The following WNK3 variants were observed in gnomAD, a reference collection of about 807,000 sequenced individuals.
WNK3 encodes WNK lysine deficient protein kinase 3.
WNK3 carries 18 observed loss-of-function variants against 116.7 expected under a neutral mutation model. The ratio of observed to expected loss-of-function variants is 0.15; its 90% CI spans 0.11 to 0.23. The LOEUF is 0.23. Ranked by LOEUF, WNK3 falls within the 10% of genes least tolerant of loss-of-function variation. The probability of loss-of-function intolerance (pLI) is 1.00; values close to 1 mark genes in which losing one functional copy is unlikely to be tolerated. For synonymous variants in WNK3, 404 were observed against 469.4 expected (o/e 0.86, Z 1.80); for missense variants, 993 against 1,323.8 (o/e 0.75, Z 3.88).
At chrX:54,341,662 T>C (rs185853987) in intron 1 of WNK3, among the ~76,000 whole-genome samples, 1 of 111,118 alleles carries the variant, frequency 9.0e-6, no homozygotes, top group Admixed American at 9.7e-5. Context: ...GGATGAACCA[T>C]GAAGACATTA....
At chrX:54,269,637 C>G (rs782524724) in intron 10 of WNK3, among the ~76,000 whole-genome samples, 18 of 111,330 alleles carry the variant, frequency 1.6e-4, no homozygotes, top group Admixed American at 5.8e-4. Flanking sequence ...GCAGCTTTAT[C>G]CATAAGAGCC....
At chrX:54,277,682 A>G (rs781968766) in intron 10 of WNK3, among the ~76,000 whole-genome samples, 1 of 111,999 alleles carries the variant, frequency 8.9e-6, no homozygotes, top group South Asian at 3.7e-4. Flanking sequence ...TACCAAAAAA[A>G]CAAACAAATC....
intron 22 of WNK3, among the ~76,000 whole-genome samples, chrX:54,217,331 A>G (rs1344643147): frequency 9.5e-6 from 1 of 105,393 alleles, no homozygotes; most frequent in African/African-American, 3.5e-5. Flanking sequence ...AAAAAAAAAA[A>G]AAAATTAGCC....
intron 21 of WNK3, among the ~76,000 whole-genome samples, chrX:54,232,468 A>G (rs1378542510): frequency 9.0e-6 from 1 of 111,528 alleles, no homozygotes; most frequent in Non-Finnish European, 1.9e-5. Context: ...TTATCTTGTT[A>G]CCAACAAACT....
chrX:54,277,057 T>C (rs1290209545), intron 10 of WNK3, among the ~76,000 whole-genome samples: 1 of 111,379 alleles, frequency 9.0e-6, no homozygotes, highest in Non-Finnish European at 1.9e-5. Context: ...AGTCAGGTAA[T>C]AGAGGGTAAC....
intron 22 of WNK3, among the ~76,000 whole-genome samples, chrX:54,204,245 G>A (rs1388260189): frequency 1.8e-5 from 2 of 110,151 alleles, no homozygotes; most frequent in Non-Finnish European, 3.8e-5. Context: ...TCAGCCTCCC[G>A]AGTAGCTGGA....
intron 22 of WNK3, among the ~76,000 whole-genome samples, chrX:54,219,935 G>C (rs1557146214): frequency 8.9e-6 from 1 of 111,743 alleles, no homozygotes; most frequent in Admixed American, 9.6e-5. Context: ...GTTCAGTTGT[G>C]AGAGTTCAAA....
exon 17 of WNK3, chrX:54,248,911 G>T: frequency 8.3e-7 from 1 of 1,211,488 alleles, no homozygotes; most frequent in Non-Finnish European, 1.1e-6. Context: ...AGCAGAGGAA[G>T]AAAATGGAGA....
chrX:54,226,775 C>T (rs1447907484), intron 22 of WNK3, among the ~76,000 whole-genome samples: 4 of 104,929 alleles, frequency 3.8e-5, no homozygotes, highest in Admixed American at 1.0e-4. Flanking sequence ...GGGAGGCGGA[C>T]GTTGCAGTGA....
intron 10 of WNK3, among the ~76,000 whole-genome samples, chrX:54,273,237 C>T (rs1362491006): frequency 2.7e-5 from 3 of 112,181 alleles, no homozygotes; most frequent in African/African-American, 6.5e-5. Context: ...TAACAACGAA[C>T]GTATACATCT....
At chrX:54,346,316 G>A (rs1474807516) in intron 1 of WNK3, among the ~76,000 whole-genome samples, 5 of 97,728 alleles carry the variant, frequency 5.1e-5, no homozygotes, top group South Asian at 4.9e-4. Flanking sequence ...ACACAGGCTC[G>A]GTCGGCCGGG....
intron 5 of WNK3, among the ~76,000 whole-genome samples, chrX:54,302,102 A>T (rs781899636): frequency 3.3e-4 from 37 of 111,042 alleles, no homozygotes; most frequent in Admixed American, 2.5e-3. Flanking sequence ...AAAGTTACAC[A>T]TATTATGTTA....
chrX:54,242,043 T>C (rs1275504515), intron 17 of WNK3, among the ~76,000 whole-genome samples: 3 of 111,108 alleles, frequency 2.7e-5, no homozygotes, highest in Non-Finnish European at 5.7e-5. Context: ...CATGCTCTTA[T>C]ATATAGAAAA....
In WNK3 at chrX:54,259,871, A is replaced by T. The variant is rs1177787714; in HGVS notation, c.2038-533T>A. ...ATAGGGCAAATACCAATTCTACTGG[A>T]AAATAATTTTACATTTACCTAATCC... On this transcript the variant is annotated intron_variant, in intron 10 of 23. Coordinates refer to ENST00000354646, the Ensembl canonical transcript of WNK3. Among the ~76,000 whole-genome samples, 3 of 111,993 alleles carry T rather than the reference A, an allele frequency of 2.7e-5. No homozygotes were observed. In the East Asian group the frequency reaches 8.4e-4, roughly 31 times the overall value.
chrX:54,207,030 G>A (rs1234766071), intron 22 of WNK3, among the ~76,000 whole-genome samples: 3 of 107,905 alleles, frequency 2.8e-5, no homozygotes, highest in African/African-American at 1.0e-4. Context: ...CCGTGTCTCA[G>A]AAAGAATAAA....
intron 13 of WNK3, 93 bp from the exon 14 acceptor site, chrX:54,251,780 A>C: frequency 1.1e-6 from 1 of 927,760 alleles, no homozygotes; most frequent in Non-Finnish European, 1.4e-6. Flanking sequence ...AAGAAAGAAA[A>C]TTGGGCCAGG....
chrX:54,217,821 A>G (rs2067716001), intron 22 of WNK3, among the ~76,000 whole-genome samples: 1 of 111,371 alleles, frequency 9.0e-6, no homozygotes, highest in African/African-American at 3.3e-5. Context: ...GGGAATGTAA[A>G]ATTTGTCCAG....
In WNK3 at chrX:54,206,795, C is replaced by T. The variant is rs190202356; in HGVS notation, c.4871-4602G>A. Among the ~76,000 whole-genome samples the T allele has an allele frequency of 1.3e-4, 15 of 111,881 alleles. No homozygotes were observed. The East Asian group carries it at 3.4e-3, about 25-fold the overall frequency. Reference sequence around the variant, plus strand: ...CTGTAATCCCAGCACTTTGGGAGGCCGAGGTGGCTGGATCACATGAGGTCA... The same window carrying T: ...CTGTAATCCCAGCACTTTGGGAGGCTGAGGTGGCTGGATCACATGAGGTCA... On this transcript the variant is annotated intron_variant, in intron 22 of 23. Transcript: ENST00000354646.
chrX:54,213,553 CAAAA>C (rs782580375), intron 22 of WNK3, among the ~76,000 whole-genome samples: 1 of 14,281 alleles, frequency 7.0e-5, no homozygotes. Flanking sequence ...GACTCCGTCT[CAAAA>C]AAAAAAACAA....
Sources: allele counts gnomAD v4.1 joint callset (sites outside exome capture counted in the v4.1 genomes callset), GRCh38; gene constraint gnomAD v4.1.1; transcripts MANE v1.5; gene names NCBI Gene and HGNC (gene_info 2026-07-23, HGNC 2026-07-21).